The following ZNF469 variants were observed in gnomAD, a reference collection of about 807,000 sequenced individuals.
The protein encoded by ZNF469 is zinc finger protein 469.
In ZNF469, 1 loss-of-function variant was observed where a neutral mutation model predicts 1.0. The ratio of observed to expected loss-of-function variants is 1.00; its 90% CI spans 0.35 to 4.73. The LOEUF (loss-of-function observed/expected upper bound fraction) is 4.73. ZNF469 is among the 30% of genes most tolerant of loss of function. The pLI is 0.16. For missense variants in ZNF469, 6,100 were observed against 5,356.3 expected (o/e 1.14, Z -4.33); for synonymous variants, 2,703 against 2,363.4 (o/e 1.14, Z -4.17).
chr16:88,185,580 G>A, the ZNF469 span, among the ~76,000 whole-genome samples: 7 of 151,340 alleles, frequency 4.6e-5, no homozygotes, highest in Admixed American at 1.3e-4. Context: ...TATAGTACTC[G>A]CACACACATG....
the ZNF469 span, among the ~76,000 whole-genome samples, chr16:88,322,131 G>A: frequency 1.3e-5 from 2 of 152,356 alleles, no homozygotes; most frequent in African/African-American, 2.4e-5. Context: ...AGGAGGTGCC[G>A]CCTGGGCTGC....
chr16:88,268,201 C>G, the ZNF469 span, among the ~76,000 whole-genome samples: 1 of 152,178 alleles, frequency 6.6e-6, no homozygotes, highest in Middle Eastern at 3.2e-3. Flanking sequence ...ATTTCTAGGA[C>G]AGTTGTGGCA....
rs1905079008 is a variant in ZNF469 at position 88,408,980 on chromosome 16, C to T, written c.-191-15827C>T. ...CAGCCCCACCTTCTGAAGCCAGCAG[C>T]TGGGGCTTGTGTGGGCTGAAGGTCA... is the stretch of plus-strand genomic sequence containing the variant. On this transcript the variant is annotated intron_variant, in intron 1 of 2. Transcript: ENST00000565624. Among the ~76,000 whole-genome samples, 4 of 152,238 alleles carry T rather than the reference C, an allele frequency of 2.6e-5. No individual in the cohort carries two copies. The South Asian group carries it at 8.3e-4, about 32-fold the overall frequency.
Position 88,438,033 on chromosome 16 carries a change from G to C in ZNF469, c.10563G>C (p.Lys3521Asn), listed in dbSNP as rs939484240. Residue 3521 changes from lysine to asparagine, a missense_variant, in exon 3 of 3, where the codon AAG (lysine) becomes AAC (asparagine). Lys to Asn is a moderately conservative substitution (Grantham distance 94, BLOSUM62 0). Transcript: ENST00000565624. ...CGGAGGTGGCTCCCAGCACCACCAAGGGATGGCCCGAGACCCTAGAGAGGC... is the reference window on the plus strand; with the variant it reads ...CGGAGGTGGCTCCCAGCACCACCAACGGATGGCCCGAGACCCTAGAGAGGC... The part of the protein sequence containing the change: ...LCSEVAPSTT[K>N]GWPETLERPV... 12 of 1,550,006 alleles carry C rather than the reference G, an allele frequency of 7.7e-6. No individual in the cohort carries two copies. In the Admixed American group the frequency reaches 9.8e-5, roughly 13 times the overall value.
chr16:88,201,117 G>C, the ZNF469 span, among the ~76,000 whole-genome samples: 1 of 152,236 alleles, frequency 6.6e-6, no homozygotes, highest in Non-Finnish European at 1.5e-5. The surrounding 1 kb of genome is among the most constrained non-coding windows in gnomAD (Gnocchi z 5.0). Context: ...ACCACTGAGC[G>C]ACAGTTTCTC....
intron 1 of ZNF469, among the ~76,000 whole-genome samples, chr16:88,420,621 G>A (rs1050291653): frequency 5.9e-5 from 9 of 152,308 alleles, no homozygotes; most frequent in Admixed American, 2.0e-4. Flanking sequence ...AGACACGCCC[G>A]AGGAGTTCAC....
chr16:88,114,216 T>G, the ZNF469 span, among the ~76,000 whole-genome samples: 2 of 145,066 alleles, frequency 1.4e-5, no homozygotes, highest in African/African-American at 2.6e-5. Flanking sequence ...ACTGCGGGGG[T>G]CTCCGGGGAG....
chr16:88,407,878 G>A (rs1240417894), intron 1 of ZNF469, among the ~76,000 whole-genome samples: 3 of 152,242 alleles, frequency 2.0e-5, no homozygotes, highest in East Asian at 1.9e-4. Context: ...AGTATCACAG[G>A]TAGGACATAG....
the ZNF469 span, among the ~76,000 whole-genome samples, chr16:88,203,865 C>T: frequency 4.6e-5 from 7 of 152,140 alleles, no homozygotes; most frequent in South Asian, 2.1e-4. Context: ...TCCAACAAAG[C>T]GACACTCACA....
At chr16:88,269,967 A>G in the ZNF469 span, among the ~76,000 whole-genome samples, 1 of 152,078 alleles carries the variant, frequency 6.6e-6, no homozygotes, top group Non-Finnish European at 1.5e-5. Context: ...AGTGTTTTCT[A>G]GAAACCACCA....
chr16:88,386,266 G>C (rs140694478), intron 1 of ZNF469, among the ~76,000 whole-genome samples: 176 of 152,166 alleles, frequency 1.2e-3, no homozygotes, highest in African/African-American at 4.0e-3. Context: ...CCATGCTCGG[G>C]TCCTGCATTC....
chr16:88,140,751 GC>G, the ZNF469 span, among the ~76,000 whole-genome samples: 1 of 152,162 alleles, frequency 6.6e-6, no homozygotes, highest in Non-Finnish European at 1.5e-5. Context: ...GGCCAACATG[GC>G]GAAACCCCAC....
upstream of ZNF469, among the ~76,000 whole-genome samples, chr16:88,380,122 AACAC>A (rs758339393): frequency 3.0e-4 from 33 of 110,134 alleles, no homozygotes; most frequent in South Asian, 9.3e-4. Flanking sequence ...CTCATACACA[AACAC>A]ACACACAGAC....
rs1008306980 is a variant in ZNF469 at position 88,431,147 on chromosome 16, A to G, written c.3677A>G (p.Lys1226Arg). The change falls in exon 3 of 3, where the codon AAG (lysine) becomes AGG (arginine). Residue 1226 changes from lysine to arginine, a missense_variant. Coordinates refer to ENST00000565624, the MANE Select transcript of ZNF469 (RefSeq NM_001367624.2). Reference protein sequence around the residue: ...RPSLDFPQEAKEPETAEESAP... With the variant: ...RPSLDFPQEAREPETAEESAP... ...TCGCTGGACTTTCCCCAGGAGGCCA[A>G]GGAGCCTGAAACTGCCGAAGAGTCA... is the stretch of plus-strand genomic sequence containing the variant. 4.5e-6 allele frequency: 7 copies of G among 1,550,090 alleles called. No homozygotes were observed. Among genetic ancestry groups the G allele is most frequent in the Admixed American group, 2.0e-5 (1 of 50,980 alleles).
chr16:88,112,772 C>CTTTTTTTTTTTTTTTT, the ZNF469 span, among the ~76,000 whole-genome samples: 2 of 73,484 alleles, frequency 2.7e-5, no homozygotes, highest in African/African-American at 6.0e-5. Flanking sequence ...TGTGCAGAAG[C>CTTTTTTTTTTTTTTTT]TTTTTTTTTT....
the ZNF469 span, among the ~76,000 whole-genome samples, chr16:88,258,122 A>G: frequency 6.6e-6 from 1 of 152,354 alleles, no homozygotes; most frequent in African/African-American, 2.4e-5. Flanking sequence ...GGCATTGACA[A>G]TTCAAAGAAG....
intron 1 of ZNF469, among the ~76,000 whole-genome samples, chr16:88,413,566 G>A (rs1171131322): frequency 6.6e-6 from 1 of 152,272 alleles, no homozygotes; most frequent in African/African-American, 2.4e-5. Context: ...CAGGCCTCTG[G>A]AGAAGTGATT....
intron 1 of ZNF469, among the ~76,000 whole-genome samples, chr16:88,384,468 G>T (rs55666769): frequency 0.19 from 28,166 of 152,186 alleles, 2,816 homozygotes; most frequent in Non-Finnish European, 0.23. Flanking sequence ...GGAAGCTGGG[G>T]CGGAGCTGCA....
chr16:88,258,917 A>T, the ZNF469 span, among the ~76,000 whole-genome samples: 1 of 152,188 alleles, frequency 6.6e-6, no homozygotes, highest in Admixed American at 6.5e-5. Flanking sequence ...GGTGGTGGTG[A>T]GCCTGGATTT....
Sources: allele counts gnomAD v4.1 joint callset (sites outside exome capture counted in the v4.1 genomes callset), GRCh38; gene constraint gnomAD v4.1.1; non-coding constraint Gnocchi (gnomAD v3.1); transcripts MANE v1.5; gene names NCBI Gene and HGNC (gene_info 2026-07-23, HGNC 2026-07-21).